The following CHRD variants were observed in gnomAD, a reference collection of about 807,000 sequenced individuals.
The protein encoded by CHRD is chordin.
CHRD carries 69 observed loss-of-function variants against 113.7 expected under a neutral mutation model. That is an observed-to-expected ratio of 0.61 (90% CI 0.50 to 0.74). The LOEUF (loss-of-function observed/expected upper bound fraction) is 0.74, where lower values mean the gene tolerates loss of function less well. CHRD is among the 30% of genes least tolerant of loss of function. The probability of loss-of-function intolerance (pLI) is 0.00; values close to 1 mark genes in which losing one functional copy is unlikely to be tolerated. For synonymous variants in CHRD, 561 were observed against 540.8 expected, an observed-to-expected ratio of 1.04 and a Z score of -0.52; for missense variants, 1,194 against 1,295.8, an observed-to-expected ratio of 0.92 and a Z score of 1.21.
In CHRD at chr3:184,386,178, C is replaced by CG. The variant is rs527701956; in HGVS notation, c.1932+19_1932+20insG. 566 of 1,607,024 alleles carry CG rather than the reference C, an allele frequency of 3.5e-4. 2 individuals are homozygous for CG. In the African/African-American group the frequency reaches 6.7e-3, roughly 19 times the overall value. Reference sequence around the variant, plus strand: ...AGGGCAGGTAGGTGGCGAGTGTGGGCAGTGGGGGCAGTGGGGAGGGTGCAG... The same window carrying CG: ...AGGGCAGGTAGGTGGCGAGTGTGGGCGAGTGGGGGCAGTGGGGAGGGTGCAG... On this transcript the variant is annotated intron_variant, in intron 15 of 22. Transcript: ENST00000204604.
At position 184,387,448 on chromosome 3, in the gene CHRD, T is replaced by A. The variant is rs867533246; in HGVS notation, c.2422T>A (p.Leu808Ile). 6.2e-7 allele frequency: 1 copy of A among 1,612,440 alleles called. No homozygotes were observed. Among genetic ancestry groups the A allele is most frequent in the Non-Finnish European group, 8.5e-7 (1 of 1,179,412 alleles). ...GCACCCCGTTGTGCCCCCCTTTGGC[T>A]TAATTAAGTGTGCTGTCTGCACCTG... Residue 808 changes from leucine (L) to isoleucine (I), a missense_variant, in exon 19 of 23, where the codon TTA (leucine) becomes ATA (isoleucine). Coordinates refer to ENST00000204604, the Ensembl canonical transcript of CHRD. The surrounding 1 kb of genome is among the most constrained non-coding windows in gnomAD (Gnocchi z 6.1).
chr3:184,387,588 A>G lies in CHRD; in HGVS notation c.2451+111A>G. On this transcript the variant is annotated intron_variant, in intron 19 of 22. Transcript: ENST00000204604. This position sits in a 1 kb window ranked among gnomAD's most constrained non-coding sequence, Gnocchi z 6.1. ...CTTGGTGAGGAGGGCTCAAGAATCA[A>G]AACGATATGAGAAAAGGCCCTTGCG... is the stretch of plus-strand genomic sequence containing the variant. 5 of 1,024,116 alleles carry G rather than the reference A, an allele frequency of 4.9e-6. No individual in the cohort carries two copies. The highest frequency in any genetic ancestry group is 7.0e-6 in the Non-Finnish European group (5 of 718,512). 63.4% of individuals were successfully genotyped at this position (1,024,116 alleles called of 1,614,324 possible). A position where few individuals can be genotyped will look rare whatever the true frequency, so the allele number is the denominator to read the frequency against.
At position 184,388,268 on chromosome 3, in the gene CHRD, C is replaced by T. The variant is rs1355977119; in HGVS notation, c.2554+235C>T. Among the ~76,000 whole-genome samples the T allele has an allele frequency of 6.6e-6, 1 of 150,900 alleles. No individual in the cohort carries two copies. Among genetic ancestry groups the T allele is most frequent in the African/African-American group, 2.5e-5 (1 of 40,376 alleles). ...CCATCCATCCATCCATCCATCCATC[C>T]ATCCATCCATCCATCCGTCCATTCA... On this transcript the variant is annotated intron_variant, in intron 20 of 22. Transcript: ENST00000204604. This position sits in a 1 kb window ranked among gnomAD's most constrained non-coding sequence, Gnocchi z 6.1.
chr3:184,380,631 C>A lies in CHRD; in HGVS notation c.149-61C>A. ...CCTGGGACCCGGGACCCGCGGGCAG[C>A]CCCCGGGGCGGCACACGGCGCGAGC... On this transcript the variant is annotated intron_variant, in intron 1 of 22. Transcript: ENST00000204604. This position sits in a 1 kb window ranked among gnomAD's most constrained non-coding sequence, Gnocchi z 6.3. 1.5e-6 allele frequency: 2 copies of A among 1,337,620 alleles called. No individual in the cohort carries two copies. The highest frequency in any genetic ancestry group is 9.8e-7 in the Non-Finnish European group (1 of 1,018,572). 82.9% of individuals were successfully genotyped at this position (1,337,620 alleles called of 1,614,324 possible).
In CHRD at chr3:184,388,035, TGA is replaced by T. The variant is rs747366011; in HGVS notation, c.2554+8_2554+9del. On this transcript the variant is annotated splice_donor_region_variant and intron_variant, in intron 20 of 22. Transcript: ENST00000204604. The surrounding 1 kb of genome is among the most constrained non-coding windows in gnomAD (Gnocchi z 6.1). The stretch of plus-strand genomic sequence containing the variant: ...CCGACTGCTGCAAACAGTGTCCAGG[TGA>T]GAGAGGTGGCTGAGCACTGAGGCCT... 3.0e-5 allele frequency: 48 copies of T among 1,612,176 alleles called. No homozygotes were observed. In the East Asian group the frequency reaches 1.0e-3, roughly 34 times the overall value.
Position 184,381,344 on chromosome 3 carries a change from G to T in CHRD, c.362G>T (p.Cys121Phe). 1 of 1,600,582 alleles carries T rather than the reference G, an allele frequency of 6.2e-7. No individual in the cohort carries two copies. The highest frequency in any genetic ancestry group is 1.3e-5 in the African/African-American group (1 of 74,758). Residue 121 changes from cysteine to phenylalanine, a missense_variant, in exon 3 of 23, where the codon TGC becomes TTC. Physicochemically the swap from Cys to Phe is radical, Grantham distance 205. Coordinates refer to ENST00000204604, the Ensembl canonical transcript of CHRD. This position sits in a 1 kb window ranked among gnomAD's most constrained non-coding sequence, Gnocchi z 4.7. ...CAGCCGCGCCAGCTGCCGGGACACT[G>T]CTGCCAGACCTGCCCCCAGGGTAAG...
intron 16 of CHRD, 33 bp downstream of exon 16, chr3:184,386,788 G>A (rs1473429670): frequency 6.2e-7 from 1 of 1,613,626 alleles, no homozygotes; most frequent in East Asian, 2.2e-5. Context: ...ACTGGGTCCT[G>A]GGATCTGGAG....
downstream of CHRD, chr3:184,390,114 G>C (rs1553869753): frequency 6.6e-6 from 1 of 151,746 alleles, no homozygotes; most frequent in Non-Finnish European, 1.5e-5. Flanking sequence ...CTGACTTCAT[G>C]TTTGAAGTTG....
Position 184,383,503 on chromosome 3 carries a change from C to T in CHRD, c.1321-20C>T. 4.3e-6 allele frequency: 7 copies of T among 1,613,638 alleles called. No homozygotes were observed. The highest frequency in any genetic ancestry group is 5.9e-6 in the Non-Finnish European group (7 of 1,179,738). ...CTTTACTGCCTCTCCACTTTGCCCT[C>T]CTCCATCCCTGCCCATCAGGTGCAA... On this transcript the variant is annotated intron_variant, in intron 11 of 22. Transcript: ENST00000204604.
At chr3:184,386,424 G>A (rs1310463129) in intron 15 of CHRD, 68 bp from the exon 16 acceptor site, 1 of 1,517,808 alleles carries the variant, frequency 6.6e-7, no homozygotes, top group Non-Finnish European at 8.8e-7. Context: ...CCTGCTGGCT[G>A]GCCAGCTGCC....
chr3:184,382,650 C>T, exon 8 of CHRD: 1 of 1,613,486 alleles, frequency 6.2e-7, no homozygotes, highest in Non-Finnish European at 8.5e-7. Flanking sequence ...TCAGTGCCAT[C>T]CTGACTCTAG....
chr3:184,381,986 T>C lies in CHRD; in HGVS notation c.665T>C (p.Phe222Ser). The stretch of plus-strand genomic sequence containing the variant: ...TCAGACTCCAATGGCAGTGTCCTGT[T>C]TGAGCACCCTGCAGCCCCCACCCAA... Residue 222 changes from phenylalanine to serine, a missense_variant, in exon 6 of 23, where the codon TTT (phenylalanine) becomes TCT (serine). Coordinates refer to ENST00000204604, the Ensembl canonical transcript of CHRD. The surrounding 1 kb of genome is among the most constrained non-coding windows in gnomAD (Gnocchi z 4.7). 4 of 1,614,132 alleles carry C rather than the reference T, an allele frequency of 2.5e-6. No homozygotes were observed. Among genetic ancestry groups the C allele is most frequent in the Non-Finnish European group, 3.4e-6 (4 of 1,180,034 alleles).
chr3:184,388,551 C>T lies in CHRD; in HGVS notation c.2555-36C>T, dbSNP rs189252800. The T allele has an allele frequency of 3.5e-5, 55 of 1,593,800 alleles. No homozygotes were observed. In the Admixed American group the frequency reaches 5.7e-4, roughly 17 times the overall value. ...GAATACTCATAAAACCTTGTTGGTC[C>T]TCCTGGGCTGATCCTTTCTCTTTCC... On this transcript the variant is annotated intron_variant, in intron 20 of 22. Transcript: ENST00000204604. This position sits in a 1 kb window ranked among gnomAD's most constrained non-coding sequence, Gnocchi z 6.1.
At chr3:184,382,431 C>T in exon 7 of CHRD, 2 of 1,614,112 alleles carry the variant, frequency 1.2e-6, no homozygotes, top group Non-Finnish European at 1.7e-6. Context: ...GTCTCTGCGG[C>T]TCCTTAGGGC....
Position 184,380,329 on chromosome 3 carries a change from TC to T in CHRD, c.14del (p.Pro5ArgfsTer64). ...TGTCCCGTTCGCGTCATGCCGAGCC[TC>T]CCGGCCCCGCCGGCCCCGCTGCTGC... On this transcript the variant is annotated frameshift_variant, in exon 1 of 23. Coordinates refer to ENST00000204604, the Ensembl canonical transcript of CHRD. LOFTEE classifies it high-confidence loss of function. The surrounding 1 kb of genome is among the most constrained non-coding windows in gnomAD (Gnocchi z 6.3). 1 of 1,266,628 alleles carries T rather than the reference TC, an allele frequency of 7.9e-7. No individual in the cohort carries two copies. The allele number at this position is 1,266,628 out of a possible 1,614,324, so 78.5% of individuals were successfully genotyped here. A position where few individuals can be genotyped will look rare whatever the true frequency, so the allele number is the denominator to read the frequency against.
rs968181969 is a variant in CHRD, at chr3:184,381,178, G to C, written c.253-57G>C. ...TCTGCGGGACATCCTTGCCTGGGGG[G>C]GTCTCATCAGTTGGCATCTTGCACT... On this transcript the variant is annotated intron_variant, in intron 2 of 22. Transcript: ENST00000204604. The surrounding 1 kb of genome is among the most constrained non-coding windows in gnomAD (Gnocchi z 4.7). The C allele has an allele frequency of 5.0e-6, 8 of 1,602,198 alleles. No homozygotes were observed. The African/African-American group carries it at 9.4e-5, about 19-fold the overall frequency.
Position 184,388,253 on chromosome 3 carries a change from A to C in CHRD, c.2554+220A>C, listed in dbSNP as rs1461127057. 6.6e-6 allele frequency among the ~76,000 whole-genome samples: 1 copy of C among 150,910 alleles called. No individual in the cohort carries two copies. Among genetic ancestry groups the C allele is most frequent in the African/African-American group, 2.5e-5 (1 of 40,740 alleles). ...CATCCATCCGTCCATCCATCCATCC[A>C]TCCATCCATCCATCCATCCATCCAT... On this transcript the variant is annotated intron_variant, in intron 20 of 22. Coordinates refer to ENST00000204604, the Ensembl canonical transcript of CHRD. The surrounding 1 kb of genome is among the most constrained non-coding windows in gnomAD (Gnocchi z 6.1).
chr3:184,389,236 G>A (rs1560316046), intron 22 of CHRD, 131 bp from the exon 23 acceptor site: 2 of 769,070 alleles, frequency 2.6e-6, no homozygotes, highest in South Asian at 1.7e-5. Flanking sequence ...CCAGCTGTGT[G>A]CACTGACCTG....
chr3:184,383,020 C>T lies in CHRD; in HGVS notation c.1070C>T (p.Pro357Leu), dbSNP rs753637262. Residue 357 changes from proline (P) to leucine (L), a missense_variant, in exon 10 of 23, where the codon CCA becomes CTA. Coordinates refer to ENST00000204604, the Ensembl canonical transcript of CHRD. ...CACACCCTGCTCTGTCCCCAGGAAC[C>T]AGGCTTTGCTGAGGTGCTGCCCAAC... The T allele has an allele frequency of 8.7e-6, 14 of 1,612,664 alleles. No individual in the cohort carries two copies. In the South Asian group the frequency reaches 1.2e-4, roughly 14 times the overall value.
Sources: allele counts gnomAD v4.1 joint callset (sites outside exome capture counted in the v4.1 genomes callset), GRCh38; gene constraint gnomAD v4.1.1; non-coding constraint Gnocchi (gnomAD v3.1); transcripts MANE v1.5; gene names NCBI Gene and HGNC (gene_info 2026-07-23, HGNC 2026-07-21).